The following CHCT1 variants were observed in gnomAD, a reference collection of about 807,000 sequenced individuals.
CHCT1 encodes the protein CHD1 helical C-terminal domain containing 1, also known as CHD1 helical C-terminal domain containing protein 1.
the CHCT1 span, chr17:60,422,258 G>C: frequency 2.7e-6 from 1 of 368,250 alleles, no homozygotes; most frequent in Non-Finnish European, 5.0e-6. Context: ...GGTGGTGTCA[G>C]GATCAGCATC....
the CHCT1 span, chr17:60,425,687 A>G: frequency 2.3e-6 from 2 of 865,022 alleles, no homozygotes; most frequent in Non-Finnish European, 3.7e-6. Flanking sequence ...GGCAATGGAG[A>G]AGGGCTTTGG....
chr17:60,426,575 C>A, the CHCT1 span: 4 of 1,264,944 alleles, frequency 3.2e-6, no homozygotes, highest in Middle Eastern at 2.8e-4. Context: ...TGGGCAAATC[C>A]CCACCCCTCC....
At chr17:60,426,504 C>G in the CHCT1 span, 1 of 1,049,328 alleles carries the variant, frequency 9.5e-7, no homozygotes, top group African/African-American at 1.6e-5. Flanking sequence ...CCTGACTGCA[C>G]CTTGTCTCTG....
chr17:60,421,428 G>T, the CHCT1 span: 1 of 985,678 alleles, frequency 1.0e-6, no homozygotes, highest in Non-Finnish European at 1.2e-6. Context: ...TGGCAGGGGA[G>T]GCCCGGGCCG....
At chr17:60,429,881 A>G in the CHCT1 span, among the ~76,000 whole-genome samples, 2 of 151,700 alleles carry the variant, frequency 1.3e-5, no homozygotes, top group African/African-American at 4.8e-5. Flanking sequence ...CTGGAATGCA[A>G]TGGCGCTATC....
chr17:60,429,647 G>A, the CHCT1 span: 14 of 1,320,388 alleles, frequency 1.1e-5, no homozygotes, highest in East Asian at 2.4e-5. Context: ...TCAAGCAGCC[G>A]GGAGCCTCTG....
the CHCT1 span, chr17:60,429,694 T>C: frequency 0.044 from 31,881 of 727,122 alleles, 7,289 homozygotes; most frequent in African/African-American, 0.5. Flanking sequence ...CTCCTTTCCA[T>C]CTTCTCTTCA....
At chr17:60,427,024 T>C in the CHCT1 span, among the ~76,000 whole-genome samples, 1 of 152,164 alleles carries the variant, frequency 6.6e-6, no homozygotes, top group African/African-American at 2.4e-5. Context: ...AAGTTCTCCA[T>C]ATATATTTGA....
At chr17:60,427,633 C>G in the CHCT1 span, among the ~76,000 whole-genome samples, 1 of 152,062 alleles carries the variant, frequency 6.6e-6, no homozygotes, top group Admixed American at 6.6e-5. Context: ...AGGCTGGTCT[C>G]GAACTCCTGA....
the CHCT1 span, among the ~76,000 whole-genome samples, chr17:60,430,362 G>A: frequency 1.2e-4 from 19 of 152,240 alleles, no homozygotes; most frequent in Admixed American, 9.8e-4. Flanking sequence ...ACAAAGCACA[G>A]AATATCTCAT....
chr17:60,421,220 A>C, the CHCT1 span: 13 of 325,678 alleles, frequency 4.0e-5, no homozygotes, highest in Non-Finnish European at 5.7e-5. Flanking sequence ...GGAGGCGGAT[A>C]AGTGGAAGGT....
chr17:60,431,153 G>A, the CHCT1 span: 56 of 1,479,388 alleles, frequency 3.8e-5, no homozygotes, highest in Non-Finnish European at 4.7e-5. Context: ...GATGTCATTG[G>A]GACTGTCTCT....
chr17:60,427,878 T>C, the CHCT1 span, among the ~76,000 whole-genome samples: 1 of 152,118 alleles, frequency 6.6e-6, no homozygotes. Flanking sequence ...CCACTGATCT[T>C]AGGTTCACTG....
the CHCT1 span, among the ~76,000 whole-genome samples, chr17:60,430,122 CTTTTTTTTTT>C: frequency 2.8e-4 from 18 of 64,316 alleles, no homozygotes; most frequent in Non-Finnish European, 4.8e-4. Context: ...ACGCACCTGG[CTTTTTTTTTT>C]TTTTTTTTTT....
At chr17:60,422,325 C>A in the CHCT1 span, 1 of 729,180 alleles carries the variant, frequency 1.4e-6, no homozygotes, top group African/African-American at 1.8e-5. Context: ...GTGCGCTCTG[C>A]CAAAGTCTTC....
At chr17:60,427,000 C>T in the CHCT1 span, 22 of 709,318 alleles carry the variant, frequency 3.1e-5, no homozygotes, top group East Asian at 2.6e-4. Flanking sequence ...CTGAAGAGGC[C>T]GAGGCTCAGC....
At chr17:60,422,817 G>A in the CHCT1 span, among the ~76,000 whole-genome samples, 12 of 152,322 alleles carry the variant, frequency 7.9e-5, no homozygotes, top group East Asian at 1.7e-3. Flanking sequence ...CATGACCTGT[G>A]TTCCTGGCGA....
the CHCT1 span, among the ~76,000 whole-genome samples, chr17:60,428,430 A>G: frequency 6.6e-6 from 1 of 151,972 alleles, no homozygotes; most frequent in Non-Finnish European, 1.5e-5. Context: ...TCTCTTCTGA[A>G]TAAGAGGAGC....
the CHCT1 span, chr17:60,426,472 G>A: frequency 1.8e-6 from 2 of 1,119,174 alleles, no homozygotes; most frequent in Admixed American, 2.8e-5. Context: ...GATGGAGAGA[G>A]CTCCTAGTCA....
Sources: gnomAD v4.1 joint callset for allele counts (sites outside exome capture counted in the v4.1 genomes callset) on GRCh38, gnomAD v4.1.1 for gene constraint, MANE v1.5 for transcripts, NCBI Gene and HGNC (gene_info 2026-07-23, HGNC 2026-07-21) for gene names.